ANP32A: variants seen among roughly 807,000 people sequenced by gnomAD.
ANP32A encodes acidic nuclear phosphoprotein 32 family member A, also known as acidic leucine-rich nuclear phosphoprotein 32 family member A.
In ANP32A, 1 loss-of-function variant was observed where a neutral mutation model predicts 33.9. That is an observed-to-expected ratio of 0.03 (90% confidence interval 0.01 to 0.14). The LOEUF is 0.14. Ranked by LOEUF, ANP32A falls within the 10% of genes least tolerant of loss-of-function variation. The pLI, the probability that ANP32A is intolerant of heterozygous loss-of-function variation, is 1.00. For missense variants in ANP32A, 155 were observed against 306.0 expected (o/e 0.51, Z 3.68); for synonymous variants, 115 against 120.5 (o/e 0.95, Z 0.30).
intron 3 of ANP32A, among the ~76,000 whole-genome samples, chr15:68,786,189 C>T (rs965976171): frequency 5.3e-5 from 8 of 151,454 alleles, no homozygotes; most frequent in African/African-American, 7.3e-5. Flanking sequence ...ATTTGGCAAA[C>T]GTGGCCAATT....
Position 68,785,954 on chromosome 15 carries a change from A to G in ANP32A, c.328-1359T>C, listed in dbSNP as rs75095591. On this transcript the variant is annotated intron_variant, in intron 3 of 6. Coordinates refer to ENST00000465139, the MANE Select transcript of ANP32A (RefSeq NM_006305.4). ...CCTAGGAGACCAGTGAAAGGCCTGA[A>G]AAGAAGTTCTGTGGGAAGCACATTC... 8.3e-4 allele frequency among the ~76,000 whole-genome samples: 127 copies of G among 152,358 alleles called. 1 individual carries two copies. In the East Asian group the frequency reaches 0.018, roughly 22 times the overall value.
rs576635439 is a variant in ANP32A, at chr15:68,807,774, T to G, written c.54+12924A>C. ...GGCTCAGTGAGGTGACCTGCCAACA[T>G]CCTCAGGCTCAGCAGTTCTCAAGCA... is the stretch of plus-strand genomic sequence containing the variant. On this transcript the variant is annotated intron_variant, in intron 1 of 6. Transcript: ENST00000465139. Among the ~76,000 whole-genome samples, 15 of 152,324 alleles carry G rather than the reference T, an allele frequency of 9.8e-5. No homozygotes were observed. The South Asian group carries it at 2.7e-3, about 27-fold the overall frequency.
chr15:68,810,430 A>AGTG (rs573452757), intron 1 of ANP32A, among the ~76,000 whole-genome samples: 125 of 152,240 alleles, frequency 8.2e-4, no homozygotes, highest in African/African-American at 2.9e-3. Flanking sequence ...GTGTGTGGGC[A>AGTG]GTGGTGGGCA....
chr15:68,817,986 G>A (rs1894409305), intron 1 of ANP32A, among the ~76,000 whole-genome samples: 2 of 152,200 alleles, frequency 1.3e-5, no homozygotes, highest in Non-Finnish European at 2.9e-5. Context: ...CTGCCCCCCA[G>A]TAACGCCTCG....
intron 1 of ANP32A, among the ~76,000 whole-genome samples, chr15:68,799,119 T>G (rs2958408): frequency 0.9 from 136,619 of 151,970 alleles, 61,864 homozygotes; most frequent in Middle Eastern, 0.97. Context: ...GAATTACACA[T>G]GTATGGCAAA....
chr15:68,811,301 A>C (rs1418817205), intron 1 of ANP32A, among the ~76,000 whole-genome samples: 1 of 152,132 alleles, frequency 6.6e-6, no homozygotes, highest in Non-Finnish European at 1.5e-5. Flanking sequence ...TCTTTGCTTT[A>C]AGATGGGAGA....
chr15:68,802,387 C>T (rs2140367825), intron 1 of ANP32A, among the ~76,000 whole-genome samples: 1 of 152,202 alleles, frequency 6.6e-6, no homozygotes, highest in Admixed American at 6.5e-5. Context: ...ATTGCCTTGC[C>T]TTTTTTTCAT....
intron 1 of ANP32A, 69 bp downstream of exon 1, chr15:68,820,629 C>CGT (rs1894460744): frequency 1.8e-6 from 2 of 1,102,800 alleles, no homozygotes; most frequent in Admixed American, 3.3e-5. Context: ...CTCCCCCCAG[C>CGT]GCGCACACAC....
intron 3 of ANP32A, among the ~76,000 whole-genome samples, chr15:68,786,208 G>A (rs1425164582): frequency 6.6e-6 from 1 of 150,740 alleles, no homozygotes; most frequent in African/African-American, 2.5e-5. Context: ...TTGTCCTCCT[G>A]GCCTTTCCCT....
In ANP32A at chr15:68,800,743, CAAAAA is replaced by C. The variant is rs398070692; in HGVS notation, c.55-12829_55-12825del. 7.8e-3 allele frequency among the ~76,000 whole-genome samples: 653 copies of C among 83,626 alleles called. 18 individuals are homozygous for C. Among genetic ancestry groups the C allele is most frequent in the Middle Eastern group, 0.023 (3 of 130 alleles). The allele number at this position is 83,626 out of a possible 152,430, so 54.9% of individuals were successfully genotyped here. Reference sequence around the variant, plus strand: ...TGGGCGACACAGCGAGACTCCGTCTCAAAAAAAAAAAAAAGAAAGAAAAGAAAAGG... The same window carrying C: ...TGGGCGACACAGCGAGACTCCGTCTCAAAAAAAAAGAAAGAAAAGAAAAGG... On this transcript the variant is annotated intron_variant, in intron 1 of 6. Coordinates refer to ENST00000465139, the MANE Select transcript of ANP32A (RefSeq NM_006305.4).
At chr15:68,797,224 G>A (rs1225449448) in intron 1 of ANP32A, among the ~76,000 whole-genome samples, 1 of 152,178 alleles carries the variant, frequency 6.6e-6, no homozygotes, top group African/African-American at 2.4e-5. Flanking sequence ...TGTCCCATCT[G>A]ATGTCTATCC....
chr15:68,798,812 C>T (rs1257305343), intron 1 of ANP32A, among the ~76,000 whole-genome samples: 4 of 152,242 alleles, frequency 2.6e-5, no homozygotes, highest in African/African-American at 4.8e-5. Context: ...GAAGAAACCT[C>T]GACCTTGGCC....
At chr15:68,805,216 G>A (rs139131823) in intron 1 of ANP32A, among the ~76,000 whole-genome samples, 1 of 152,298 alleles carries the variant, frequency 6.6e-6, no homozygotes, top group African/African-American at 2.4e-5. Flanking sequence ...GGTCCTCCAG[G>A]AAACACTGCT....
intron 1 of ANP32A, among the ~76,000 whole-genome samples, chr15:68,798,894 G>A (rs1894095621): frequency 6.6e-6 from 1 of 152,198 alleles, no homozygotes; most frequent in East Asian, 1.9e-4. Flanking sequence ...ACGCCGCCTC[G>A]GCACTGAAGC....
In ANP32A at chr15:68,783,027, C is replaced by T. The variant is rs954693786; in HGVS notation, c.553G>A (p.Val185Ile). Residue 185 changes from valine to isoleucine, a missense_variant, in exon 5 of 7, where the codon GTA becomes ATA. Coordinates refer to ENST00000465139, the MANE Select transcript of ANP32A (RefSeq NM_006305.4). The part of the protein sequence containing the change: ...DEEEYDEDAQ[V>I]VEDEEDEDEE... ...TCCTCGTCCTCCTCGTCTTCCACTACCTGAGCATCTTCATCATACTCCTCC... is the reference window on the plus strand; with the variant it reads ...TCCTCGTCCTCCTCGTCTTCCACTATCTGAGCATCTTCATCATACTCCTCC... 14 of 1,551,716 alleles carry T rather than the reference C, an allele frequency of 9.0e-6. No individual in the cohort carries two copies. Among genetic ancestry groups the T allele is most frequent in the Middle Eastern group, 3.3e-4 (2 of 6,016 alleles).
intron 1 of ANP32A, among the ~76,000 whole-genome samples, chr15:68,793,867 A>C (rs1596067337): frequency 6.6e-6 from 1 of 152,230 alleles, no homozygotes; most frequent in African/African-American, 2.4e-5. Flanking sequence ...GGCCCTGATT[A>C]AAGTGGACAG....
chr15:68,817,531 T>G (rs1894399881), intron 1 of ANP32A: 1 of 152,548 alleles, frequency 6.6e-6, no homozygotes, highest in South Asian at 2.1e-4. Context: ...AAGAACCTCA[T>G]GTTTAATGTT....
chr15:68,787,446 G>A lies in ANP32A; in HGVS notation c.294C>T (p.Asn98=), dbSNP rs1378569661. 5.6e-6 allele frequency: 9 copies of A among 1,614,164 alleles called. No individual in the cohort carries two copies. Among genetic ancestry groups the A allele is most frequent in the African/African-American group, 1.3e-5 (1 of 75,020 alleles). Reference sequence around the variant, plus strand: ...CTATTGTGCTGAGGTCTTTAATTTTGTTGCCACTTAAATTTAGATGCGTGA... The same window carrying A: ...CTATTGTGCTGAGGTCTTTAATTTTATTGCCACTTAAATTTAGATGCGTGA... ...PNLTHLNLSG[N]KIKDLSTIEP... The change falls in exon 3 of 7, where the codon AAC becomes AAT. Residue 98 remains asparagine, a synonymous_variant. Transcript: ENST00000465139.
intron 1 of ANP32A, among the ~76,000 whole-genome samples, chr15:68,814,485 T>C (rs533202110): frequency 1.3e-5 from 2 of 149,634 alleles, no homozygotes; most frequent in Admixed American, 1.3e-4. Context: ...GCCAACTGTG[T>C]AAGTCTAGAG....
Sources: gnomAD v4.1 joint callset for allele counts (sites outside exome capture counted in the v4.1 genomes callset) on GRCh38, gnomAD v4.1.1 for gene constraint, MANE v1.5 for transcripts, NCBI Gene and HGNC (gene_info 2026-07-23, HGNC 2026-07-21) for gene names.